The following WDFY4 variants were observed in gnomAD, a reference collection of about 807,000 sequenced individuals.
WDFY4 encodes WDFY family member 4.
Under a neutral mutation model 351.9 loss-of-function variants are expected in WDFY4, and 169 were observed. That is an observed-to-expected ratio of 0.48 (90% CI 0.42 to 0.55). The LOEUF is 0.55. Among genes scored for constraint, WDFY4 ranks in the 20% least tolerant of loss-of-function variants. The pLI, the probability that WDFY4 is intolerant of heterozygous loss-of-function variation, is 0.00. For missense variants in WDFY4, 3,803 were observed against 3,935.6 expected (o/e 0.97, Z 0.90); for synonymous variants, 1,622 against 1,574.6 (o/e 1.03, Z -0.71).
intron 47 of WDFY4, among the ~76,000 whole-genome samples, chr10:48,907,448 C>A (rs2133443638): frequency 6.6e-6 from 1 of 152,216 alleles, no homozygotes; most frequent in Middle Eastern, 3.4e-3. Context: ...TGTATAAATT[C>A]TTCATATATA....
intron 9 of WDFY4, 78 bp from the exon 10 acceptor site, chr10:48,733,853 T>C (rs1033296857): frequency 1.5e-5 from 19 of 1,269,040 alleles, no homozygotes; most frequent in Non-Finnish European, 1.6e-5. Context: ...CTTAAGAGGA[T>C]AGAAAGCTGG....
At chr10:48,860,748 T>C (rs570444586) in intron 39 of WDFY4, among the ~76,000 whole-genome samples, 1 of 152,202 alleles carries the variant, frequency 6.6e-6, no homozygotes, top group South Asian at 2.1e-4. Context: ...ATTTAATGTA[T>C]TTTTTAAAAA....
chr10:48,784,046 G>A (rs1469825436), intron 19 of WDFY4, among the ~76,000 whole-genome samples: 1 of 152,178 alleles, frequency 6.6e-6, no homozygotes, highest in Admixed American at 6.5e-5. Flanking sequence ...TTTCTGAGTA[G>A]TATTTCAAGG....
At chr10:48,792,339 T>C (rs2066711910) in intron 23 of WDFY4, among the ~76,000 whole-genome samples, 1 of 152,204 alleles carries the variant, frequency 6.6e-6, no homozygotes, top group Non-Finnish European at 1.5e-5. Flanking sequence ...TTTTAATTGC[T>C]CTCGCACCCA....
intron 13 of WDFY4, among the ~76,000 whole-genome samples, chr10:48,767,184 T>C (rs57447002): frequency 0.12 from 18,609 of 152,228 alleles, 1,542 homozygotes; most frequent in African/African-American, 0.22. Flanking sequence ...ATGAGATTGA[T>C]GGAACCCTTT....
At chr10:48,866,817 C>A (rs999515517) in intron 39 of WDFY4, among the ~76,000 whole-genome samples, 1 of 152,206 alleles carries the variant, frequency 6.6e-6, no homozygotes, top group Admixed American at 6.5e-5. Flanking sequence ...TTATATGAAT[C>A]TCATTTGACC....
At chr10:48,877,584 A>T (rs2070072634) in intron 43 of WDFY4, among the ~76,000 whole-genome samples, 1 of 152,160 alleles carries the variant, frequency 6.6e-6, no homozygotes, top group Non-Finnish European at 1.5e-5. Flanking sequence ...GAGGTCCCAC[A>T]CCTTGAGGGG....
chr10:48,782,770 T>G (rs556165144), intron 19 of WDFY4, among the ~76,000 whole-genome samples: 1 of 152,356 alleles, frequency 6.6e-6, no homozygotes, highest in Non-Finnish European at 1.5e-5. Context: ...CAAAGGAAAC[T>G]TACATAAATT....
intron 13 of WDFY4, 67 bp from the exon 14 acceptor site, chr10:48,774,391 G>T: frequency 6.6e-7 from 1 of 1,511,266 alleles, no homozygotes; most frequent in Non-Finnish European, 9.0e-7. Context: ...CCAAGTTGGA[G>T]CCTATAAAAG....
intron 4 of WDFY4, 72 bp downstream of exon 4, chr10:48,721,439 T>C: frequency 7.2e-7 from 1 of 1,388,042 alleles, no homozygotes; most frequent in Non-Finnish European, 1.0e-6. Context: ...CAGCACAGGG[T>C]GGTGGCATAT....
chr10:48,761,944 C>T (rs1272085744), intron 13 of WDFY4, among the ~76,000 whole-genome samples: 1 of 152,206 alleles, frequency 6.6e-6, no homozygotes, highest in Non-Finnish European at 1.5e-5. Context: ...GCACATGACT[C>T]TCAAGGATGC....
chr10:48,877,366 T>A (rs2070060906), intron 43 of WDFY4, among the ~76,000 whole-genome samples, 167 bp downstream of exon 43: 1 of 152,192 alleles, frequency 6.6e-6, no homozygotes, highest in South Asian at 2.1e-4. Flanking sequence ...TTCCTAAATT[T>A]GTTGGCCCAG....
At chr10:48,822,238 C>T (rs1005964737) in intron 34 of WDFY4, 142 bp from the exon 35 acceptor site, 14 of 833,102 alleles carry the variant, frequency 1.7e-5, no homozygotes, top group African/African-American at 8.7e-5. Context: ...TTGGGCACCT[C>T]GTCAGTACAA....
chr10:48,927,878 A>G (rs2663022), intron 47 of WDFY4, among the ~76,000 whole-genome samples: 147,377 of 152,330 alleles, frequency 0.97, 71,483 homozygotes, highest in East Asian at 1. Context: ...AAAGGGAATA[A>G]GCACCTTACA....
At chr10:48,729,615 C>A in intron 8 of WDFY4, 26 bp downstream of exon 8, 2 of 1,550,468 alleles carry the variant, frequency 1.3e-6, no homozygotes, top group Non-Finnish European at 1.7e-6. Flanking sequence ...GTCTGGGTGA[C>A]CGGAAGAGTC....
intron 47 of WDFY4, among the ~76,000 whole-genome samples, chr10:48,940,476 T>C (rs568885466): frequency 3.3e-5 from 5 of 152,106 alleles, no homozygotes; most frequent in Non-Finnish European, 7.4e-5. Context: ...GGTGGGGCTA[T>C]GATGGGAATG....
chr10:48,875,568 C>A (rs2069965238), intron 42 of WDFY4, among the ~76,000 whole-genome samples: 1 of 152,208 alleles, frequency 6.6e-6, no homozygotes, highest in South Asian at 2.1e-4. Context: ...GTACACATCA[C>A]AATGCCCAGA....
At chr10:48,714,382 G>T (rs2063843187) in intron 2 of WDFY4, among the ~76,000 whole-genome samples, 1 of 152,222 alleles carries the variant, frequency 6.6e-6, no homozygotes, top group Non-Finnish European at 1.5e-5. Context: ...CTGACTGTAG[G>T]ATGTTGCAGA....
chr10:48,897,697 T>A, intron 45 of WDFY4, 123 bp downstream of exon 45: 1 of 1,423,738 alleles, frequency 7.0e-7, no homozygotes, highest in Non-Finnish European at 9.3e-7. Context: ...CACAGCCCAG[T>A]GCCCTTAAGG....
Sources: gnomAD v4.1 joint callset for allele counts (sites outside exome capture counted in the v4.1 genomes callset) on GRCh38, gnomAD v4.1.1 for gene constraint, MANE v1.5 for transcripts, NCBI Gene and HGNC (gene_info 2026-07-23, HGNC 2026-07-21) for gene names.